SCFD2: variants seen among roughly 807,000 people sequenced by gnomAD.
The protein encoded by SCFD2 is sec1 family domain-containing protein 2.
A neutral mutation model predicts 58.9 loss-of-function variants in SCFD2; 54 were observed. That is an observed-to-expected ratio of 0.92 (90% CI 0.74 to 1.15). The LOEUF (loss-of-function observed/expected upper bound fraction) is 1.15. SCFD2 is among the 50% of genes most tolerant of loss of function. The pLI is 0.00. For missense variants in SCFD2, 805 were observed against 836.6 expected (o/e 0.96, Z 0.47); for synonymous variants, 321 against 335.9 (o/e 0.96, Z 0.49).
chr4:53,157,614 AT>A (rs138898469), intron 4 of SCFD2, among the ~76,000 whole-genome samples: 5,410 of 152,014 alleles, frequency 0.036, 331 homozygotes, highest in African/African-American at 0.12. Flanking sequence ...TGTCATCCTC[AT>A]TTTTTTTGTT....
At chr4:53,134,711 A>T (rs1197262035) in intron 5 of SCFD2, among the ~76,000 whole-genome samples, 2 of 152,246 alleles carry the variant, frequency 1.3e-5, no homozygotes, top group African/African-American at 4.8e-5. Context: ...TTGACAGAAC[A>T]TGAGGAGAGC....
At chr4:53,197,747 C>G (rs1442565152) in intron 4 of SCFD2, among the ~76,000 whole-genome samples, 8 of 96,568 alleles carry the variant, frequency 8.3e-5, no homozygotes, top group Admixed American at 2.3e-4. Flanking sequence ...TAGAAGATGG[C>G]AAAAAAAAAA....
intron 5 of SCFD2, among the ~76,000 whole-genome samples, chr4:53,105,372 G>C (rs534957270): frequency 6.6e-6 from 1 of 151,168 alleles, no homozygotes; most frequent in African/African-American, 2.4e-5. Flanking sequence ...CTGAAGCCAG[G>C]GAGCCAAGTG....
At chr4:52,929,274 G>A (rs1024704997) in intron 5 of SCFD2, among the ~76,000 whole-genome samples, 1 of 152,124 alleles carries the variant, frequency 6.6e-6, no homozygotes, top group Admixed American at 6.6e-5. Flanking sequence ...GGATTCATGG[G>A]TGTTTATTAT....
At chr4:53,012,753 G>A (rs1722124374) in intron 5 of SCFD2, among the ~76,000 whole-genome samples, 1 of 151,340 alleles carries the variant, frequency 6.6e-6, no homozygotes, top group African/African-American at 2.4e-5. Flanking sequence ...GGAGTTAATT[G>A]ACATCTTATT....
chr4:53,080,196 T>C (rs999643345), intron 5 of SCFD2, among the ~76,000 whole-genome samples: 15 of 152,114 alleles, frequency 9.9e-5, no homozygotes, highest in Non-Finnish European at 8.8e-5. Context: ...CACGTTTAGA[T>C]TTTTACAAAA....
chr4:52,899,912 G>T lies in SCFD2; in HGVS notation c.1842+7545C>A, dbSNP rs192419166. On this transcript the variant is annotated intron_variant, in intron 7 of 8. Transcript: ENST00000401642. Reference sequence around the variant, plus strand: ...CATTTCATTCATTTCATCTTCCATCGCTGATACCCTTTTTTCCAGTTGATC... The same window carrying T: ...CATTTCATTCATTTCATCTTCCATCTCTGATACCCTTTTTTCCAGTTGATC... Among the ~76,000 whole-genome samples the T allele has an allele frequency of 4.0e-4, 60 of 151,776 alleles. No individual in the cohort carries two copies. In the Middle Eastern group the frequency reaches 0.014, roughly 35 times the overall value.
chr4:53,304,652 G>A (rs189006083), intron 3 of SCFD2, among the ~76,000 whole-genome samples: 32 of 151,754 alleles, frequency 2.1e-4, no homozygotes, highest in Non-Finnish European at 3.2e-4. Flanking sequence ...TGAAGTTCTC[G>A]TGCTGTGTGT....
At chr4:52,956,914 C>G (rs1720725210) in intron 5 of SCFD2, 1 of 149,964 alleles carries the variant, frequency 6.7e-6, no homozygotes, top group Non-Finnish European at 1.5e-5. Flanking sequence ...GGAAAAGAAA[C>G]AGGGATGAGA....
At chr4:53,238,051 G>T (rs529331255) in intron 4 of SCFD2, among the ~76,000 whole-genome samples, 1 of 136,800 alleles carries the variant, frequency 7.3e-6, no homozygotes, top group African/African-American at 2.8e-5. Flanking sequence ...CCGGGCGGGG[G>T]GCTGACCCCC....
At chr4:53,041,237 A>T (rs1385093615) in intron 5 of SCFD2, among the ~76,000 whole-genome samples, 4 of 152,204 alleles carry the variant, frequency 2.6e-5, no homozygotes, top group Non-Finnish European at 5.9e-5. Context: ...ATAGTGCTGC[A>T]GTATCTTATG....
chr4:53,002,710 C>T (rs1721889821), intron 5 of SCFD2, among the ~76,000 whole-genome samples: 1 of 152,152 alleles, frequency 6.6e-6, no homozygotes, highest in Non-Finnish European at 1.5e-5. Context: ...GTCTCTACTA[C>T]ATTTAAGCTC....
chr4:52,895,824 T>C (rs889835951), intron 7 of SCFD2, among the ~76,000 whole-genome samples: 2 of 152,228 alleles, frequency 1.3e-5, no homozygotes, highest in Admixed American at 6.5e-5. Flanking sequence ...CTAGCACCTG[T>C]TGTTTCCTGA....
At chr4:53,296,424 T>C (rs929062179) in intron 3 of SCFD2, among the ~76,000 whole-genome samples, 2 of 152,224 alleles carry the variant, frequency 1.3e-5, no homozygotes, top group African/African-American at 4.8e-5. Flanking sequence ...TTTATTTGCA[T>C]AGAGGTGTTT....
intron 5 of SCFD2, chr4:52,955,960 T>C (rs1490352983): frequency 4.7e-6 from 2 of 426,874 alleles, no homozygotes; most frequent in African/African-American, 4.1e-5. Flanking sequence ...TAACCTGGTG[T>C]CCCACAGTAG....
intron 5 of SCFD2, among the ~76,000 whole-genome samples, chr4:53,078,362 T>C (rs1437825537): frequency 6.6e-6 from 1 of 152,202 alleles, no homozygotes; most frequent in African/African-American, 2.4e-5. Flanking sequence ...AGGCAAGAAA[T>C]CCATTTTAGT....
chr4:53,047,258 G>A (rs757339808), intron 5 of SCFD2, among the ~76,000 whole-genome samples: 3 of 151,988 alleles, frequency 2.0e-5, no homozygotes, highest in African/African-American at 4.8e-5. Flanking sequence ...AACCAGCTTG[G>A]GCAACATAGT....
At chr4:53,338,575 C>CTTTTTTTTTTTTTTTTTTTTTTTTTTTT (rs56263068) in intron 2 of SCFD2, among the ~76,000 whole-genome samples, 1 of 72,296 alleles carries the variant, frequency 1.4e-5, no homozygotes, top group Non-Finnish European at 2.5e-5. Flanking sequence ...GTATATTTTT[C>CTTTTTTTTTTTTTTTTTTTTTTTTTTTT]TTTTTTTTTT....
intron 4 of SCFD2, among the ~76,000 whole-genome samples, chr4:53,247,775 G>A (rs1253866756): frequency 6.9e-6 from 1 of 144,448 alleles, no homozygotes; most frequent in Non-Finnish European, 1.5e-5. Context: ...GCAGGAGAAT[G>A]GCGTGAACCC....
Sources: gnomAD v4.1 joint callset for allele counts (sites outside exome capture counted in the v4.1 genomes callset) on GRCh38, gnomAD v4.1.1 for gene constraint, MANE v1.5 for transcripts, NCBI Gene and HGNC (gene_info 2026-07-23, HGNC 2026-07-21) for gene names.